FHIP2B: variants seen among roughly 807,000 people sequenced by gnomAD.
The protein encoded by FHIP2B is FHF complex subunit HOOK-interacting protein 2B.
Under a neutral mutation model 84.0 loss-of-function variants are expected in FHIP2B, and 72 were observed. The observed-to-expected ratio is 0.86, with a 90% CI of 0.71 to 1.04. FHIP2B has a LOEUF of 1.04. Among genes scored for constraint, FHIP2B ranks in the 50% least tolerant of loss-of-function variants. The pLI is 0.00. For missense variants in FHIP2B, 972 were observed against 968.9 expected (o/e 1.00, Z -0.04); for synonymous variants, 497 against 418.7 (o/e 1.19, Z -2.28).
At chr8:22,093,708 C>T (rs1411613930) in intron 1 of FHIP2B, among the ~76,000 whole-genome samples, 261 of 66,446 alleles carry the variant, frequency 3.9e-3, no homozygotes, top group South Asian at 6.4e-3. Flanking sequence ...AAAGCTTTGT[C>T]TTTTTTTTTT....
At position 22,098,368 on chromosome 8, in the gene FHIP2B, G is replaced by C. The variant is rs188321970; in HGVS notation, c.769-55G>C. On this transcript the variant is annotated intron_variant, in intron 6 of 16. Coordinates refer to ENST00000289921, the MANE Select transcript of FHIP2B (RefSeq NM_022749.7). ...GGGGGAAGGGTGGGTTGACGGCTGGGGGGTGATTTGGGGGCTCACATGCAT... is the reference window on the plus strand; with the variant it reads ...GGGGGAAGGGTGGGTTGACGGCTGGCGGGTGATTTGGGGGCTCACATGCAT... 4 of 1,545,580 alleles carry C rather than the reference G, an allele frequency of 2.6e-6. No individual in the cohort carries two copies. The East Asian group carries it at 9.1e-5, about 35-fold the overall frequency.
intron 10 of FHIP2B, 83 bp from the exon 11 acceptor site, chr8:22,100,511 T>C (rs1826044597): frequency 1.4e-6 from 2 of 1,403,596 alleles, no homozygotes; most frequent in East Asian, 2.7e-5. Flanking sequence ...AGAGGTCTTT[T>C]CTTATCTGGG....
intron 9 of FHIP2B, 65 bp downstream of exon 9, chr8:22,099,425 C>A: frequency 6.6e-7 from 1 of 1,525,896 alleles, no homozygotes; most frequent in South Asian, 1.2e-5. Flanking sequence ...CACCCAGCCT[C>A]GTCCTGTCCC....
At position 22,101,154 on chromosome 8, in the gene FHIP2B, C is replaced by A. The variant is rs189858574; in HGVS notation, c.1616+182C>A. On this transcript the variant is annotated intron_variant, in intron 12 of 16. Coordinates refer to ENST00000289921, the MANE Select transcript of FHIP2B (RefSeq NM_022749.7). ...TCCTGTGCCTCAGCCTCCCGAGTAC[C>A]TGGGATTACAGACATGCACCACCAC... 88 of 759,466 alleles carry A rather than the reference C, an allele frequency of 1.2e-4. No homozygotes were observed. The African/African-American group carries it at 1.4e-3, about 12-fold the overall frequency. 47.0% of individuals were successfully genotyped at this position (759,466 alleles called of 1,614,324 possible). A position where few individuals can be genotyped will look rare whatever the true frequency, so the allele number is the denominator to read the frequency against.
chr8:22,099,745 C>T lies in FHIP2B; in HGVS notation c.1193C>T (p.Ala398Val). 1 of 1,605,910 alleles carries T rather than the reference C, an allele frequency of 6.2e-7. No homozygotes were observed. Among genetic ancestry groups the T allele is most frequent in the African/African-American group, 1.3e-5 (1 of 74,624 alleles). The stretch of plus-strand genomic sequence containing the variant: ...TTGACCTCCACCGCCCTCCTCACAG[C>T]CATGCTGCGCCAGCTTCGCTCCCCT... ...SILTSTALLTAMLRQLRSPAL... is the reference protein window; with the variant it reads ...SILTSTALLTVMLRQLRSPAL... The change falls in exon 10 of 17, where the codon GCC becomes GTC. Residue 398 changes from alanine to valine, a missense_variant. Ala to Val is a moderately conservative substitution (Grantham distance 64). Transcript: ENST00000289921.
chr8:22,092,565 C>CTTT (rs11393768), intron 1 of FHIP2B, among the ~76,000 whole-genome samples: 5,220 of 123,940 alleles, frequency 0.042, 285 homozygotes, highest in Non-Finnish European at 0.056. Flanking sequence ...CGGTGAGACT[C>CTTT]TTTTTTTTTT....
In FHIP2B at chr8:22,099,328, C is replaced by T. The variant is rs368168499; in HGVS notation, c.1119C>T (p.Phe373=). 525 of 1,613,632 alleles carry T rather than the reference C, an allele frequency of 3.3e-4. No individual in the cohort carries two copies. Among genetic ancestry groups the T allele is most frequent in the Non-Finnish European group, 4.2e-4 (494 of 1,179,830 alleles). ...CGAAGGCTGTGGCTGAGAACTTCTTCGTGGAGACCCTGCAGCCCCAGCTCC... is the reference window on the plus strand; with the variant it reads ...CGAAGGCTGTGGCTGAGAACTTCTTTGTGGAGACCCTGCAGCCCCAGCTCC... ...ALAKAVAENF[F]VETLQPQLLH... Residue 373 remains phenylalanine (F), a synonymous_variant, in exon 9 of 17, where the codon TTC becomes TTT. Coordinates refer to ENST00000289921, the MANE Select transcript of FHIP2B (RefSeq NM_022749.7).
chr8:22,102,096 G>C, intron 14 of FHIP2B, 79 bp from the exon 15 acceptor site: 1 of 1,608,252 alleles, frequency 6.2e-7, no homozygotes, highest in Non-Finnish European at 8.5e-7. Context: ...GTTCACAGTG[G>C]CCAGGCACCT....
At position 22,102,147 on chromosome 8, in the gene FHIP2B, C is replaced by T. The variant is rs776074083; in HGVS notation, c.1852-28C>T. On this transcript the variant is annotated intron_variant, in intron 14 of 16. Coordinates refer to ENST00000289921, the MANE Select transcript of FHIP2B (RefSeq NM_022749.7). ...AAAATACTCACCAGCCCTGCCAGCC[C>T]TCGGCTCTGTCCACCATGTTCCTAC... 16 of 1,613,080 alleles carry T rather than the reference C, an allele frequency of 9.9e-6. No individual in the cohort carries two copies. The Admixed American group carries it at 2.7e-4, about 27-fold the overall frequency.
Position 22,099,736 on chromosome 8 carries a change from T to G in FHIP2B, c.1184T>G (p.Leu395Arg), listed in dbSNP as rs201923077. The G allele has an allele frequency of 1.6e-5, 26 of 1,598,136 alleles. No individual in the cohort carries two copies. Among genetic ancestry groups the G allele is most frequent in the Admixed American group, 5.5e-5 (3 of 54,850 alleles). Residue 395 changes from leucine to arginine, a missense_variant, in exon 10 of 17, where the codon CTC (leucine) becomes CGC (arginine). Transcript: ENST00000289921. Reference protein sequence around the residue: ...SEQSILTSTALLTAMLRQLRS... With the variant: ...SEQSILTSTARLTAMLRQLRS... Reference sequence around the variant, plus strand: ...CAGAGCATCTTGACCTCCACCGCCCTCCTCACAGCCATGCTGCGCCAGCTT... The same window carrying G: ...CAGAGCATCTTGACCTCCACCGCCCGCCTCACAGCCATGCTGCGCCAGCTT...
intron 2 of FHIP2B, chr8:22,096,079 G>A (rs576002391): frequency 2.3e-5 from 9 of 391,100 alleles, no homozygotes; most frequent in African/African-American, 1.2e-4. Flanking sequence ...GAAGGAAACC[G>A]ATGCTGCTGC....
In FHIP2B at chr8:22,104,339, C is replaced by T. The variant is rs550420362; in HGVS notation, c.*1408C>T. 4 of 152,584 alleles carry T rather than the reference C, an allele frequency of 2.6e-5. No individual in the cohort carries two copies. Among genetic ancestry groups the T allele is most frequent in the South Asian group, 4.1e-4 (2 of 4,832 alleles). 9.5% of individuals were successfully genotyped at this position (152,584 alleles called of 1,614,324 possible). On this transcript the variant is annotated 3_prime_UTR_variant, in exon 17 of 17. Transcript: ENST00000289921. ...GTGCACTTTGGCATTTGCACGGTGT[C>T]TTCCCCGGACAGCACAGCAATAAAT...
Position 22,100,668 on chromosome 8 carries a change from C to T in FHIP2B, c.1416C>T (p.Val472=), listed in dbSNP as rs1826056552. Residue 472 remains valine (V), a synonymous_variant, in exon 11 of 17, where the codon GTC becomes GTT. Coordinates refer to ENST00000289921, the MANE Select transcript of FHIP2B (RefSeq NM_022749.7). ...ACGAGGGGATCATCCACAGCCTGGT[C>T]CTGCGCAACCTTGAGGGCCGCCCTT... ...KPHEGIIHSL[V]LRNLEGRPYV... 2 of 1,607,112 alleles carry T rather than the reference C, an allele frequency of 1.2e-6. No homozygotes were observed. Among genetic ancestry groups the T allele is most frequent in the Non-Finnish European group, 8.5e-7 (1 of 1,176,252 alleles).
chr8:22,089,175 C>G lies in FHIP2B; in HGVS notation c.-79C>G, dbSNP rs970140394. On this transcript the variant is annotated 5_prime_UTR_variant, in exon 1 of 17. Coordinates refer to ENST00000289921, the MANE Select transcript of FHIP2B (RefSeq NM_022749.7). ...GCCCCCCTCGTCGCGCCGGGGCCGC[C>G]GGGGCCACGGGGCTGCCTCCTCCGC... 1 of 938,564 alleles carries G rather than the reference C, an allele frequency of 1.1e-6. No individual in the cohort carries two copies. The highest frequency in any genetic ancestry group is 1.8e-5 in the African/African-American group (1 of 56,260). The allele number at this position is 938,564 out of a possible 1,614,324, so 58.1% of individuals were successfully genotyped here.
chr8:22,097,660 C>G (rs1281405562), intron 4 of FHIP2B, 40 bp downstream of exon 4: 2 of 1,603,562 alleles, frequency 1.2e-6, no homozygotes, highest in Non-Finnish European at 1.7e-6. Context: ...GGGTGTGAGG[C>G]CCCCTCTCTC....
rs10651878 is a variant in FHIP2B, at chr8:22,093,316, G to GTT, written c.46-1123_46-1122insTT. Among the ~76,000 whole-genome samples, 96 of 151,476 alleles carry GTT rather than the reference G, an allele frequency of 6.3e-4. 1 individual carries two copies. In the East Asian group the frequency reaches 0.018, roughly 28 times the overall value. ...ACTCTGCAAGAAAAGCGAAGGAATG[G>GTT]TGTTGTTGTTGTTGTTGTTGTTGTT... On this transcript the variant is annotated intron_variant, in intron 1 of 16. Coordinates refer to ENST00000289921, the MANE Select transcript of FHIP2B (RefSeq NM_022749.7).
chr8:22,098,501 C>G lies in FHIP2B; in HGVS notation c.847C>G (p.Leu283Val), dbSNP rs1423427393. Residue 283 changes from leucine (L) to valine (V), a missense_variant, in exon 7 of 17, where the codon CTG (leucine) becomes GTG (valine). Coordinates refer to ENST00000289921, the MANE Select transcript of FHIP2B (RefSeq NM_022749.7). Reference protein sequence around the residue: ...SMASPAAATYLVQSSACCPAI... With the variant: ...SMASPAAATYVVQSSACCPAI... Reference sequence around the variant, plus strand: ...GGCCTCCCCAGCAGCTGCCACCTACCTGGTACAGAGCAGCGCCTGCTGCCC... The same window carrying G: ...GGCCTCCCCAGCAGCTGCCACCTACGTGGTACAGAGCAGCGCCTGCTGCCC... The G allele has an allele frequency of 6.2e-7, 1 of 1,613,270 alleles. No homozygotes were observed. Among genetic ancestry groups the G allele is most frequent in the East Asian group, 2.2e-5 (1 of 44,862 alleles).
intron 2 of FHIP2B, chr8:22,094,823 C>A (rs1825679419): frequency 8.3e-7 from 1 of 1,210,954 alleles, no homozygotes. Flanking sequence ...GCACTTCCCC[C>A]AGCTTCCAGC....
intron 7 of FHIP2B, 70 bp from the exon 8 acceptor site, chr8:22,098,878 C>A: frequency 7.5e-7 from 1 of 1,328,528 alleles, no homozygotes; most frequent in Non-Finnish European, 1.1e-6. Context: ...GGCCCAGTTT[C>A]AGGACACATT....
Sources: gnomAD v4.1 joint callset for allele counts (sites outside exome capture counted in the v4.1 genomes callset) on GRCh38, gnomAD v4.1.1 for gene constraint, MANE v1.5 for transcripts, NCBI Gene and HGNC (gene_info 2026-07-23, HGNC 2026-07-21) for gene names.